IREB2: variants seen among roughly 807,000 people sequenced by gnomAD.
The protein encoded by IREB2 is iron responsive element binding protein 2, also known as iron-responsive element-binding protein 2.
IREB2 carries 39 observed loss-of-function variants against 118.8 expected under a neutral mutation model. The observed-to-expected ratio is 0.33, with a 90% CI of 0.25 to 0.43. The LOEUF (loss-of-function observed/expected upper bound fraction) is 0.43. IREB2 is among the 20% of genes least tolerant of loss of function. IREB2 has a pLI of 1.00. For synonymous variants in IREB2, 372 were observed against 392.2 expected, an observed-to-expected ratio of 0.95 and a Z score of 0.61; for missense variants, 900 against 1,147.3, an observed-to-expected ratio of 0.78 and a Z score of 3.11.
Position 78,498,068 on chromosome 15 carries a change from G to A in IREB2, c.2817G>A (p.Ser939=), listed in dbSNP as rs144816277. Residue 939 remains serine (S), a synonymous_variant, in exon 22 of 22, where the codon TCG becomes TCA. Coordinates refer to ENST00000258886, the MANE Select transcript of IREB2 (RefSeq NM_004136.4). ...GAAAAGTATTCAGCGTGATTGCTTCGTTTGAAGATGATGTGGAAATAACAT... is the reference window on the plus strand; with the variant it reads ...GAAAAGTATTCAGCGTGATTGCTTCATTTGAAGATGATGTGGAAATAACAT... ...STGKVFSVIA[S]FEDDVEITLY... is the part of the protein sequence containing the mutation. 1.5e-5 allele frequency: 25 copies of A among 1,613,338 alleles called. No homozygotes were observed. The highest frequency in any genetic ancestry group is 1.3e-4 in the East Asian group (6 of 44,852).
rs985878544 is a variant in IREB2 at position 78,449,869 on chromosome 15, T to A, written c.106+9988T>A. 2.6e-5 allele frequency among the ~76,000 whole-genome samples: 4 copies of A among 152,350 alleles called. No homozygotes were observed. In the East Asian group the frequency reaches 7.7e-4, roughly 29 times the overall value. On this transcript the variant is annotated intron_variant, in intron 2 of 21. Transcript: ENST00000258886. ...AGTAACTGATCAAAAGGATATTTAT[T>A]GTTATCAGCTTATTTTAGAAGTGTG...
At chr15:78,443,749 C>G (rs1049230960) in intron 2 of IREB2, among the ~76,000 whole-genome samples, 3 of 151,894 alleles carry the variant, frequency 2.0e-5, no homozygotes, top group Non-Finnish European at 2.9e-5. Context: ...AGGGTTCAAA[C>G]GATTCTCGTG....
At chr15:78,467,060 A>T (rs2051295342) in intron 5 of IREB2, among the ~76,000 whole-genome samples, 1 of 151,904 alleles carries the variant, frequency 6.6e-6, no homozygotes, top group African/African-American at 2.4e-5. Context: ...TCTACAAAAA[A>T]TTACCCGGGT....
chr15:78,438,570 C>G, intron 1 of IREB2: 1 of 582,030 alleles, frequency 1.7e-6, no homozygotes, highest in Non-Finnish European at 3.1e-6. Flanking sequence ...GCGCGACACC[C>G]GCAGGGCGGG....
chr15:78,483,916 T>C (rs2051616693), intron 11 of IREB2, among the ~76,000 whole-genome samples: 1 of 151,946 alleles, frequency 6.6e-6, no homozygotes, highest in Non-Finnish European at 1.5e-5. Flanking sequence ...CCCAAAGTAG[T>C]TGGAATTACA....
In IREB2 at chr15:78,465,322, A is replaced by C; in HGVS notation, c.344A>C (p.Lys115Thr). ...AAAACTCTTGGAGGTGATCCTGAGA[A>C]AGTCCATCCTGCTTGTCCGACAGAT... Reference protein sequence around the residue: ...AVKTLGGDPEKVHPACPTDLT... With the variant: ...AVKTLGGDPETVHPACPTDLT... The change falls in exon 4 of 22, where the codon AAA becomes ACA. Residue 115 changes from lysine to threonine, a missense_variant. Coordinates refer to ENST00000258886, the MANE Select transcript of IREB2 (RefSeq NM_004136.4). 1 of 1,613,828 alleles carries C rather than the reference A, an allele frequency of 6.2e-7. No individual in the cohort carries two copies. The highest frequency in any genetic ancestry group is 8.5e-7 in the Non-Finnish European group (1 of 1,179,872).
intron 5 of IREB2, among the ~76,000 whole-genome samples, chr15:78,469,036 C>T (rs2051331011): frequency 6.6e-6 from 1 of 152,146 alleles, no homozygotes; most frequent in African/African-American, 2.4e-5. Flanking sequence ...TTCTAAAAAT[C>T]CAATCTGCTG....
rs1220992699 is a variant in IREB2, at chr15:78,476,250, A to G, written c.1086A>G (p.Gln362=). 5 of 1,604,068 alleles carry G rather than the reference A, an allele frequency of 3.1e-6. No individual in the cohort carries two copies. The highest frequency in any genetic ancestry group is 4.3e-6 in the Non-Finnish European group (5 of 1,172,706). ...AGTTTTTTGGAAGTGGAGTTTCACAATTATCTATAGTTGATCGAACTACAA... is the reference window on the plus strand; with the variant it reads ...AGTTTTTTGGAAGTGGAGTTTCACAGTTATCTATAGTTGATCGAACTACAA... The part of the protein sequence containing the change: ...FVEFFGSGVS[Q]LSIVDRTTIA... The change falls in exon 9 of 22, where the codon CAA becomes CAG. Residue 362 remains glutamine (Q), a synonymous_variant. Coordinates refer to ENST00000258886, the MANE Select transcript of IREB2 (RefSeq NM_004136.4).
At chr15:78,491,554 G>A (rs1477562174) in intron 18 of IREB2, among the ~76,000 whole-genome samples, 1 of 152,184 alleles carries the variant, frequency 6.6e-6, no homozygotes, top group Non-Finnish European at 1.5e-5. Context: ...CTGGAGTGCA[G>A]TGGTGTGATC....
In IREB2 at chr15:78,494,188, C is replaced by T. The variant is rs2051801270; in HGVS notation, c.2519C>T (p.Pro840Leu). 1 of 1,613,820 alleles carries T rather than the reference C, an allele frequency of 6.2e-7. No homozygotes were observed. ...AAELYQKEGI[P>L]LIILAGKKYG... ...GAGCTGTACCAGAAAGAAGGTATCC[C>T]ACTGATTATTTTAGCAGGAAAGAAA... Residue 840 changes from proline to leucine, a missense_variant, in exon 20 of 22, where the codon CCA becomes CTA. By Grantham distance (98) the Pro-to-Leu change is moderately conservative. Transcript: ENST00000258886.
intron 2 of IREB2, among the ~76,000 whole-genome samples, chr15:78,460,366 G>A (rs1427830700): frequency 2.0e-5 from 3 of 152,188 alleles, no homozygotes; most frequent in African/African-American, 7.2e-5. Flanking sequence ...AGTTTTCAGA[G>A]TAATGAGTTG....
chr15:78,486,852 C>G (rs2051669787), intron 13 of IREB2, among the ~76,000 whole-genome samples: 1 of 151,900 alleles, frequency 6.6e-6, no homozygotes, highest in Admixed American at 6.6e-5. Flanking sequence ...ATGTTTTTAG[C>G]AGAGACAGAG....
At chr15:78,473,406 A>G (rs566046466) in intron 8 of IREB2, 25 bp downstream of exon 8, 45 of 1,595,538 alleles carry the variant, frequency 2.8e-5, no homozygotes, top group East Asian at 1.1e-4. Flanking sequence ...TGGTAGCTCT[A>G]TGACTTACTG....
At chr15:78,464,876 C>T (rs2051254965) in intron 3 of IREB2, among the ~76,000 whole-genome samples, 2 of 152,050 alleles carry the variant, frequency 1.3e-5, no homozygotes, top group African/African-American at 4.8e-5. Flanking sequence ...TGTAAAATGG[C>T]AAAAGCTACT....
At chr15:78,470,415 C>A in intron 5 of IREB2, 117 bp from the exon 6 acceptor site, 1 of 575,744 alleles carries the variant, frequency 1.7e-6, no homozygotes, top group Non-Finnish European at 3.1e-6. Context: ...ATAGTTCTTC[C>A]AAGGATTTTA....
Position 78,463,041 on chromosome 15 carries a change from G to T in IREB2, c.226G>T (p.Val76Phe). Residue 76 changes from valine to phenylalanine, a missense_variant, in exon 3 of 22, where the codon GTT becomes TTT. Val to Phe is a conservative substitution (Grantham distance 50). Coordinates refer to ENST00000258886, the MANE Select transcript of IREB2 (RefSeq NM_004136.4). ...AGACTGGAAAACCAAACAAAGCAAT[G>T]TTGAAGTGCCCTTTTTCCCTGCCCG... ...ILDWKTKQSN[V>F]EVPFFPARVL... The T allele has an allele frequency of 6.2e-7, 1 of 1,610,512 alleles. No homozygotes were observed. The highest frequency in any genetic ancestry group is 8.5e-7 in the Non-Finnish European group (1 of 1,179,142).
At chr15:78,482,863 T>C (rs1362630879) in intron 10 of IREB2, among the ~76,000 whole-genome samples, 1 of 152,012 alleles carries the variant, frequency 6.6e-6, no homozygotes, top group South Asian at 2.1e-4. Context: ...TTCCCCTGCC[T>C]CAGCCTCCCG....
At chr15:78,452,048 T>A (rs2051034843) in intron 2 of IREB2, among the ~76,000 whole-genome samples, 1 of 152,306 alleles carries the variant, frequency 6.6e-6, no homozygotes, top group East Asian at 1.9e-4. Flanking sequence ...ATCAGCAGTT[T>A]AGGACCACAT....
rs932905532 is a variant in IREB2 at position 78,488,391 on chromosome 15, C to A, written c.1951+55C>A. On this transcript the variant is annotated intron_variant, in intron 15 of 21. Coordinates refer to ENST00000258886, the MANE Select transcript of IREB2 (RefSeq NM_004136.4). ...TACACATACTTTTCCCAATGGAAGT[C>A]GTTATATTTTTGAAATGTTTCTTAG... is the stretch of plus-strand genomic sequence containing the variant. 2.8e-6 allele frequency: 4 copies of A among 1,403,562 alleles called. No homozygotes were observed. In the South Asian group the frequency reaches 4.4e-5, roughly 15 times the overall value. The allele number at this position is 1,403,562 out of a possible 1,614,324, so 86.9% of individuals were successfully genotyped here. A position where few individuals can be genotyped will look rare whatever the true frequency, so the allele number is the denominator to read the frequency against.
Sources: gnomAD v4.1 joint callset for allele counts (sites outside exome capture counted in the v4.1 genomes callset) on GRCh38, gnomAD v4.1.1 for gene constraint, MANE v1.5 for transcripts, NCBI Gene and HGNC (gene_info 2026-07-23, HGNC 2026-07-21) for gene names.